FRAS1: variants seen among roughly 807,000 people sequenced by gnomAD.
The protein encoded by FRAS1 is extracellular matrix organizing protein FRAS1.
Under a neutral mutation model 435.2 loss-of-function variants are expected in FRAS1, and 290 were observed. The ratio of observed to expected loss-of-function variants is 0.67; its 90% confidence interval spans 0.61 to 0.73. The LOEUF (loss-of-function observed/expected upper bound fraction) is 0.73, where lower values mean the gene tolerates loss of function less well. Ranked by LOEUF, FRAS1 falls within the 30% of genes least tolerant of loss-of-function variation. The pLI is 0.00. For missense variants in FRAS1, 4,860 were observed against 5,001.5 expected, an observed-to-expected ratio of 0.97 and a Z score of 0.85; for synonymous variants, 1,800 against 1,851.0, an observed-to-expected ratio of 0.97 and a Z score of 0.71.
chr4:78,152,206 A>C (rs190301157), intron 2 of FRAS1, among the ~76,000 whole-genome samples: 1 of 152,212 alleles, frequency 6.6e-6, no homozygotes, highest in East Asian at 1.9e-4. Flanking sequence ...AATAAATTTG[A>C]ATTGGTGTCT....
At chr4:78,126,092 C>T (rs1474586422) in intron 2 of FRAS1, among the ~76,000 whole-genome samples, 1 of 152,204 alleles carries the variant, frequency 6.6e-6, no homozygotes, top group African/African-American at 2.4e-5. Flanking sequence ...ACTGCCTACT[C>T]AAGCTTCAGC....
At chr4:78,529,157 A>G (rs1032488312) in intron 70 of FRAS1, among the ~76,000 whole-genome samples, 3 of 152,100 alleles carry the variant, frequency 2.0e-5, no homozygotes, top group Non-Finnish European at 2.9e-5. Flanking sequence ...GTTCATCTGA[A>G]TGGATGTTTA....
chr4:78,281,476 T>A, intron 11 of FRAS1, 43 bp downstream of exon 11: 1 of 1,332,122 alleles, frequency 7.5e-7, no homozygotes, highest in Non-Finnish European at 1.0e-6. Context: ...ATTATAAAAT[T>A]GTTTTATGTA....
intron 29 of FRAS1, among the ~76,000 whole-genome samples, chr4:78,390,165 C>G (rs1350953038): frequency 1.3e-5 from 2 of 152,140 alleles, no homozygotes; most frequent in African/African-American, 4.8e-5. Context: ...TTCCTTATAT[C>G]TCTTTTACTG....
chr4:78,091,997 A>AAAT (rs1741551856), intron 2 of FRAS1, among the ~76,000 whole-genome samples: 1 of 151,006 alleles, frequency 6.6e-6, no homozygotes, highest in African/African-American at 2.4e-5. Context: ...AAAAAAAAAA[A>AAAT]AAGGAAAAAA....
chr4:78,061,907 A>T lies in FRAS1; in HGVS notation c.76+3822A>T, dbSNP rs557377780. 7.9e-5 allele frequency among the ~76,000 whole-genome samples: 12 copies of T among 152,310 alleles called. No homozygotes were observed. In the South Asian group the frequency reaches 2.5e-3, roughly 32 times the overall value. ...ACATTTGGTCCTTGGTGGGTTTCTC[A>T]GTATGGAAACGTTAGATGATGGTTG... On this transcript the variant is annotated intron_variant, in intron 1 of 73. Transcript: ENST00000512123.
chr4:78,473,304 A>T lies in FRAS1; in HGVS notation c.7523-134A>T, dbSNP rs1005066567. 1.1e-5 allele frequency: 7 copies of T among 635,902 alleles called. No individual in the cohort carries two copies. The African/African-American group carries it at 1.3e-4, about 12-fold the overall frequency. 39.4% of individuals were successfully genotyped at this position (635,902 alleles called of 1,614,324 possible). On this transcript the variant is annotated intron_variant, in intron 52 of 73. Coordinates refer to ENST00000512123, the MANE Select transcript of FRAS1 (RefSeq NM_025074.7). The stretch of plus-strand genomic sequence containing the variant: ...AGAAACATTTATTTTAACAACTACT[A>T]TACTTTTGGTGCTTGGAAAAATAAG...
chr4:78,332,257 A>G (rs1256143641), intron 18 of FRAS1, among the ~76,000 whole-genome samples: 11 of 152,182 alleles, frequency 7.2e-5, no homozygotes, highest in Non-Finnish European at 1.6e-4. Flanking sequence ...GAAATCATTT[A>G]CTATCTCCAG....
intron 61 of FRAS1, among the ~76,000 whole-genome samples, chr4:78,502,262 A>G (rs1385154702): frequency 6.6e-6 from 1 of 152,188 alleles, no homozygotes; most frequent in Non-Finnish European, 1.5e-5. Flanking sequence ...GAAGAAAGTC[A>G]TTGGTAGCTT....
At position 78,430,368 on chromosome 4, in the gene FRAS1, T is replaced by A; in HGVS notation, c.4920T>A (p.His1640Gln). The change falls in exon 37 of 74, where the codon CAT becomes CAA. Residue 1640 changes from histidine to glutamine, a missense_variant. His to Gln is a conservative substitution (Grantham distance 24). Transcript: ENST00000512123. ...TTGAGCTTCGGAGACCTCCACAGCATGGTGTGCTTCTTAAGCATACAGCTG... is the reference window on the plus strand; with the variant it reads ...TTGAGCTTCGGAGACCTCCACAGCAAGGTGTGCTTCTTAAGCATACAGCTG... ...LFFELRRPPQ[H>Q]GVLLKHTAEF... The A allele has an allele frequency of 6.2e-7, 1 of 1,613,862 alleles. No individual in the cohort carries two copies. The highest frequency in any genetic ancestry group is 8.5e-7 in the Non-Finnish European group (1 of 1,179,830).
At chr4:78,237,432 G>A (rs1251290858) in intron 2 of FRAS1, 78 bp from the exon 3 acceptor site, 2 of 942,340 alleles carry the variant, frequency 2.1e-6, no homozygotes, top group East Asian at 4.9e-5. Flanking sequence ...CAGGATGTGG[G>A]ACTATTGATG....
intron 71 of FRAS1, among the ~76,000 whole-genome samples, chr4:78,534,825 A>G (rs1258807254): frequency 6.6e-6 from 1 of 152,184 alleles, no homozygotes; most frequent in African/African-American, 2.4e-5. Context: ...TGGCACTATA[A>G]TGATTGGCAG....
chr4:78,341,478 G>A (rs1730395050), intron 20 of FRAS1, among the ~76,000 whole-genome samples: 1 of 152,202 alleles, frequency 6.6e-6, no homozygotes, highest in South Asian at 2.1e-4. Flanking sequence ...AAATCCAGAT[G>A]AGAGAAATCC....
chr4:78,501,792 T>C (rs551625950), intron 61 of FRAS1, among the ~76,000 whole-genome samples: 2 of 152,252 alleles, frequency 1.3e-5, no homozygotes, highest in Non-Finnish European at 2.9e-5. Flanking sequence ...ATGAAGTCGT[T>C]ACCCATGCCT....
intron 18 of FRAS1, among the ~76,000 whole-genome samples, chr4:78,327,043 T>G (rs1230446758): frequency 1.3e-5 from 2 of 152,084 alleles, no homozygotes; most frequent in Non-Finnish European, 2.9e-5. Context: ...GGATGTTGAA[T>G]CATGTTCATT....
intron 2 of FRAS1, among the ~76,000 whole-genome samples, chr4:78,176,134 G>A (rs1477707212): frequency 6.6e-6 from 1 of 152,214 alleles, no homozygotes; most frequent in East Asian, 1.9e-4. Flanking sequence ...GTTCAGAAAT[G>A]AAGTAATTTT....
chr4:78,140,296 A>C (rs938621219), intron 2 of FRAS1, among the ~76,000 whole-genome samples: 7 of 152,084 alleles, frequency 4.6e-5, no homozygotes, highest in Admixed American at 1.3e-4. Flanking sequence ...TCAAATTTCT[A>C]ACTGTCTGTT....
chr4:78,313,009 G>A (rs1314040384), intron 15 of FRAS1, among the ~76,000 whole-genome samples: 1 of 152,080 alleles, frequency 6.6e-6, no homozygotes, highest in Admixed American at 6.5e-5. Context: ...TTCCCTCTGG[G>A]TGTAACTTTA....
chr4:78,121,389 C>T (rs1024264864), intron 2 of FRAS1, among the ~76,000 whole-genome samples: 3 of 152,284 alleles, frequency 2.0e-5, no homozygotes, highest in Admixed American at 6.5e-5. Flanking sequence ...TTCATTGGCA[C>T]TAAGAGGGGC....
Sources: allele counts gnomAD v4.1 joint callset (sites outside exome capture counted in the v4.1 genomes callset), GRCh38; gene constraint gnomAD v4.1.1; transcripts MANE v1.5; gene names NCBI Gene and HGNC (gene_info 2026-07-23, HGNC 2026-07-21).